Variants in GPC5 observed in about 807,000 individuals in gnomAD.
The protein encoded by GPC5 is glypican-5.
Under a neutral mutation model 53.9 loss-of-function variants are expected in GPC5, and 47 were observed. That is an observed-to-expected ratio of 0.87 (90% confidence interval 0.69 to 1.11). The LOEUF (loss-of-function observed/expected upper bound fraction) is 1.11. Ranked by LOEUF, GPC5 falls within the 50% of genes most tolerant of loss-of-function variation. The probability of loss-of-function intolerance (pLI) is 0.00; values close to 1 mark genes in which losing one functional copy is unlikely to be tolerated. For missense variants in GPC5, 748 were observed against 713.1 expected (o/e 1.05, Z -0.56); for synonymous variants, 286 against 263.3 (o/e 1.09, Z -0.84).
At chr13:92,379,897 G>A (rs61973566) in intron 7 of GPC5, among the ~76,000 whole-genome samples, 5,304 of 152,188 alleles carry the variant, frequency 0.035, 157 homozygotes, top group East Asian at 0.15. Context: ...TTGGCAGCCC[G>A]TCACCTGATT....
intron 7 of GPC5, among the ~76,000 whole-genome samples, chr13:92,853,558 A>G (rs1260526652): frequency 6.6e-6 from 1 of 152,178 alleles, no homozygotes; most frequent in African/African-American, 2.4e-5. Context: ...GATTTAAACA[A>G]ACAAAAACAA....
intron 1 of GPC5, among the ~76,000 whole-genome samples, chr13:91,426,018 G>T (rs1879018299): frequency 6.6e-6 from 1 of 152,144 alleles, no homozygotes; most frequent in Non-Finnish European, 1.5e-5. Flanking sequence ...GAGATCTGTG[G>T]AACTTTGAAC....
intron 5 of GPC5, among the ~76,000 whole-genome samples, chr13:91,803,781 G>GACACACAC (rs369314989): frequency 0.055 from 8,155 of 147,544 alleles, 287 homozygotes; most frequent in Non-Finnish European, 0.086. Context: ...CAGACAGACA[G>GACACACAC]ACACACACAC....
At chr13:91,518,638 C>T (rs945107985) in intron 2 of GPC5, among the ~76,000 whole-genome samples, 12 of 152,044 alleles carry the variant, frequency 7.9e-5, no homozygotes, top group African/African-American at 2.4e-4. Flanking sequence ...CTGCAAGCTC[C>T]GCCTCCCAGG....
intron 7 of GPC5, among the ~76,000 whole-genome samples, chr13:92,729,958 A>C (rs556346011): frequency 7.6e-4 from 115 of 151,540 alleles, no homozygotes; most frequent in African/African-American, 2.6e-3. Flanking sequence ...TAGGATCTAC[A>C]TTGTTAAGTA....
chr13:92,769,377 C>T (rs1480304658), intron 7 of GPC5, among the ~76,000 whole-genome samples: 2 of 151,636 alleles, frequency 1.3e-5, no homozygotes, highest in East Asian at 3.9e-4. Context: ...GTTTCAAATG[C>T]ATCATTTATT....
intron 7 of GPC5, among the ~76,000 whole-genome samples, chr13:92,791,662 T>A (rs1876468022): frequency 6.6e-6 from 1 of 152,116 alleles, no homozygotes; most frequent in Non-Finnish European, 1.5e-5. Context: ...TCAAACATGA[T>A]CTGTGGTTAC....
chr13:92,308,247 G>A (rs1445417773), intron 7 of GPC5, among the ~76,000 whole-genome samples: 1 of 152,136 alleles, frequency 6.6e-6, no homozygotes, highest in Non-Finnish European at 1.5e-5. Context: ...CATAGGGTTT[G>A]TCAGAGTTAA....
chr13:91,658,387 T>C (rs2034899631), intron 2 of GPC5, among the ~76,000 whole-genome samples: 1 of 140,718 alleles, frequency 7.1e-6, no homozygotes, highest in Non-Finnish European at 1.5e-5. Flanking sequence ...TGGGGGAATT[T>C]TTTGGGGGGA....
rs141523607 is a variant in GPC5 at position 91,708,571 on chromosome 13, G to A, written c.1020+14690G>A. ...TAAGGCAATATGGGTTTTTTTGGAG[G>A]GGGTAACAAAAATATTGTAAAATTA... On this transcript the variant is annotated intron_variant, in intron 3 of 7. Coordinates refer to ENST00000377067, the MANE Select transcript of GPC5 (RefSeq NM_004466.6). Among the ~76,000 whole-genome samples the A allele has an allele frequency of 3.4e-3, 512 of 152,154 alleles. 2 individuals carry two copies. The highest frequency in any genetic ancestry group is 6.3e-3 in the Non-Finnish European group (426 of 67,984).
intron 6 of GPC5, among the ~76,000 whole-genome samples, chr13:92,041,880 A>G (rs560339878): frequency 1.3e-5 from 2 of 152,336 alleles, no homozygotes; most frequent in Admixed American, 6.5e-5. Context: ...CCAGGGGTCA[A>G]GAAGCAGGGA....
At chr13:91,699,757 A>T (rs2035955343) in intron 3 of GPC5, among the ~76,000 whole-genome samples, 1 of 152,200 alleles carries the variant, frequency 6.6e-6, no homozygotes, top group Non-Finnish European at 1.5e-5. Flanking sequence ...GATTCATTAG[A>T]CCACAGGAGG....
chr13:91,539,841 A>G (rs1171319021), intron 2 of GPC5, among the ~76,000 whole-genome samples: 4 of 152,200 alleles, frequency 2.6e-5, no homozygotes, highest in Non-Finnish European at 5.9e-5. Context: ...TGGAAATACA[A>G]ATTTAAAAAT....
intron 7 of GPC5, among the ~76,000 whole-genome samples, chr13:92,391,536 C>T (rs1875002858): frequency 1.3e-5 from 2 of 152,028 alleles, no homozygotes; most frequent in African/African-American, 4.8e-5. Flanking sequence ...TCATTATGAT[C>T]CTTCCCAAGT....
At chr13:91,955,451 TA>T (rs200563309) in intron 6 of GPC5, among the ~76,000 whole-genome samples, 3 of 152,184 alleles carry the variant, frequency 2.0e-5, no homozygotes, top group East Asian at 3.9e-4. Context: ...ATAGACGATG[TA>T]AGAGAAAATG....
intron 2 of GPC5, among the ~76,000 whole-genome samples, chr13:91,560,514 C>A (rs1400428443): frequency 1.3e-5 from 2 of 152,034 alleles, no homozygotes; most frequent in Non-Finnish European, 2.9e-5. Context: ...AATCACAATG[C>A]CTTAGCTTAA....
chr13:91,479,103 G>T (rs1179609655), intron 2 of GPC5, among the ~76,000 whole-genome samples: 1 of 150,988 alleles, frequency 6.6e-6, no homozygotes, highest in South Asian at 2.1e-4. Flanking sequence ...AGTAGAGATG[G>T]GGTTTCACCG....
Position 92,423,510 on chromosome 13 carries a change from G to A in GPC5, c.1561+278521G>A, listed in dbSNP as rs2182842. On this transcript the variant is annotated intron_variant, in intron 7 of 7. Coordinates refer to ENST00000377067, the MANE Select transcript of GPC5 (RefSeq NM_004466.6). ...AATTTGTTAATCTCATTAAGCAATTGGAAGAATGAAATCACTAACTGTTAT... is the reference window on the plus strand; with the variant it reads ...AATTTGTTAATCTCATTAAGCAATTAGAAGAATGAAATCACTAACTGTTAT... 4.5e-3 allele frequency among the ~76,000 whole-genome samples: 681 copies of A among 152,226 alleles called. 3 individuals carry two copies. Among genetic ancestry groups the A allele is most frequent in the Non-Finnish European group, 8.1e-3 (549 of 68,016 alleles).
intron 5 of GPC5, among the ~76,000 whole-genome samples, chr13:91,833,439 C>T (rs1381192623): frequency 1.3e-5 from 2 of 151,996 alleles, no homozygotes; most frequent in South Asian, 4.1e-4. Flanking sequence ...GGCACAACAA[C>T]AACAACAAAA....
Sources: allele counts gnomAD v4.1 joint callset (sites outside exome capture counted in the v4.1 genomes callset), GRCh38; gene constraint gnomAD v4.1.1; transcripts MANE v1.5; gene names NCBI Gene and HGNC (gene_info 2026-07-23, HGNC 2026-07-21).